The following ERBB4 variants were observed in gnomAD, a reference collection of about 807,000 sequenced individuals.
The protein encoded by ERBB4 is erb-b2 receptor tyrosine kinase 4, also known as receptor tyrosine-protein kinase erbB-4.
Under a neutral mutation model 158.0 loss-of-function variants are expected in ERBB4, and 42 were observed. That is an observed-to-expected ratio of 0.27 (90% CI 0.21 to 0.34). The LOEUF is 0.34. Ranked by LOEUF, ERBB4 falls within the 10% of genes least tolerant of loss-of-function variation. The pLI is 1.00. For synonymous variants in ERBB4, 583 were observed against 558.7 expected (o/e 1.04, Z -0.61); for missense variants, 1,333 against 1,624.1 (o/e 0.82, Z 3.08).
intron 1 of ERBB4, among the ~76,000 whole-genome samples, chr2:212,465,987 C>A (rs1688813450): frequency 6.6e-6 from 1 of 152,134 alleles, no homozygotes; most frequent in Non-Finnish European, 1.5e-5. Flanking sequence ...TAATAAAAAA[C>A]TTTAAGTGAG....
chr2:211,559,303 C>T lies in ERBB4; in HGVS notation c.2487+2600G>A, dbSNP rs575488538. 7.4e-4 allele frequency among the ~76,000 whole-genome samples: 112 copies of T among 152,322 alleles called. 1 individual carries two copies. Among genetic ancestry groups the T allele is most frequent in the Non-Finnish European group, 1.6e-4 (11 of 68,024 alleles). On this transcript the variant is annotated intron_variant, in intron 20 of 27. Coordinates refer to ENST00000342788, the MANE Select transcript of ERBB4 (RefSeq NM_005235.3). ...CCTCAATCTAACCTCCGTACATAGA[C>T]TGCATGATCTATTTAGAATATAAAT...
intron 3 of ERBB4, among the ~76,000 whole-genome samples, chr2:211,930,039 C>A (rs1323590974): frequency 6.6e-6 from 1 of 152,050 alleles, no homozygotes; most frequent in Non-Finnish European, 1.5e-5. Flanking sequence ...GACCTGTTGA[C>A]ATGTATGGAT....
At chr2:211,464,466 G>A (rs961593014) in intron 20 of ERBB4, among the ~76,000 whole-genome samples, 1 of 152,054 alleles carries the variant, frequency 6.6e-6, no homozygotes, top group Non-Finnish European at 1.5e-5. Flanking sequence ...CAAAATTGAA[G>A]GCTAAATATA....
chr2:212,121,968 T>C (rs1296361117), intron 2 of ERBB4, among the ~76,000 whole-genome samples: 1 of 151,892 alleles, frequency 6.6e-6, no homozygotes, highest in African/African-American at 2.4e-5. Context: ...ACTCCACCCC[T>C]ACCATTAACA....
chr2:211,622,993 AT>A (rs1559356904), intron 18 of ERBB4, among the ~76,000 whole-genome samples: 2 of 7,422 alleles, frequency 2.7e-4, no homozygotes, highest in Non-Finnish European at 4.4e-4. Flanking sequence ...AAAAAAAAAT[AT>A]ATATATATAT....
intron 14 of ERBB4, 76 bp downstream of exon 14, chr2:211,673,088 T>A (rs1226911846): frequency 1.7e-6 from 2 of 1,147,228 alleles, no homozygotes; most frequent in Non-Finnish European, 2.6e-6. Flanking sequence ...AATGGATGAA[T>A]AAATGATAAA....
chr2:212,430,590 A>G (rs1191265541), intron 1 of ERBB4, among the ~76,000 whole-genome samples: 2 of 151,738 alleles, frequency 1.3e-5, no homozygotes, highest in African/African-American at 4.8e-5. Context: ...ACAGGTGCCT[A>G]CCACCACACC....
intron 2 of ERBB4, among the ~76,000 whole-genome samples, chr2:211,961,076 T>A (rs1397486556): frequency 2.0e-5 from 3 of 152,110 alleles, no homozygotes; most frequent in African/African-American, 7.2e-5. Context: ...TATTTATTTT[T>A]AAAAATTGGA....
chr2:212,093,732 T>C (rs1521550), intron 2 of ERBB4, among the ~76,000 whole-genome samples: 80,555 of 152,062 alleles, frequency 0.53, 24,248 homozygotes, highest in East Asian at 0.93. Flanking sequence ...TTGTGACATA[T>C]ACTCAGCAGT....
chr2:212,107,530 CT>C (rs2079267836), intron 2 of ERBB4, among the ~76,000 whole-genome samples: 1 of 152,108 alleles, frequency 6.6e-6, no homozygotes, highest in African/African-American at 2.4e-5. Context: ...TCAGATGAGA[CT>C]TTGGACTGTG....
intron 1 of ERBB4, among the ~76,000 whole-genome samples, chr2:212,384,128 T>C (rs1462754865): frequency 1.3e-5 from 2 of 151,702 alleles, no homozygotes; most frequent in South Asian, 2.1e-4. Context: ...AAACTCTTAA[T>C]AAGCACAGAA....
Position 211,420,545 on chromosome 2 carries a change from C to T in ERBB4, c.3031G>A (p.Glu1011Lys), listed in dbSNP as rs2063492693. ...SKFFQNLLDE[E>K]DLEDMMDAEE... The stretch of plus-strand genomic sequence containing the variant: ...GCATCCATCATATCTTCCAAATCCT[C>T]TTCATCCAAGAGATTCTGAAAGAAC... Residue 1011 changes from glutamate to lysine, a missense_variant, in exon 25 of 28, where the codon GAG becomes AAG. By Grantham distance (56) the Glu-to-Lys change is moderately conservative. Transcript: ENST00000342788. The T allele has an allele frequency of 1.2e-6, 2 of 1,612,908 alleles. No individual in the cohort carries two copies. The highest frequency in any genetic ancestry group is 1.7e-6 in the Non-Finnish European group (2 of 1,179,142).
intron 17 of ERBB4, among the ~76,000 whole-genome samples, chr2:211,626,493 CTTTA>C (rs1179952829): frequency 1.3e-5 from 2 of 152,090 alleles, no homozygotes; most frequent in African/African-American, 2.4e-5. Context: ...AAAATTCCCC[CTTTA>C]TTTAGATGGT....
intron 2 of ERBB4, among the ~76,000 whole-genome samples, chr2:212,084,988 T>C (rs141580236): frequency 1.3e-5 from 2 of 152,114 alleles, no homozygotes; most frequent in African/African-American, 4.8e-5. Context: ...TTCTCATTTA[T>C]AAAATTGCTG....
intron 1 of ERBB4, among the ~76,000 whole-genome samples, chr2:212,186,615 C>G (rs927495420): frequency 6.6e-6 from 1 of 152,058 alleles, no homozygotes; most frequent in Non-Finnish European, 1.5e-5. Context: ...TGTTCCTGTT[C>G]CTAAACGTCT....
chr2:212,307,257 G>C (rs1327719948), intron 1 of ERBB4, among the ~76,000 whole-genome samples: 3 of 150,990 alleles, frequency 2.0e-5, no homozygotes, highest in African/African-American at 7.3e-5. Context: ...TCATAATAGA[G>C]GAAGAAGAGA....
intron 4 of ERBB4, among the ~76,000 whole-genome samples, chr2:211,783,073 G>A (rs1179109273): frequency 1.3e-5 from 2 of 152,122 alleles, no homozygotes; most frequent in Non-Finnish European, 2.9e-5. Context: ...TCTGCTTGAA[G>A]AGGTCCTTCA....
rs2105954345 is a variant in ERBB4 at position 211,678,081 on chromosome 2, A to G, written c.1622+971T>C. Among the ~76,000 whole-genome samples the G allele has an allele frequency of 2.0e-5, 3 of 152,158 alleles. No individual in the cohort carries two copies. In the East Asian group the frequency reaches 5.8e-4, roughly 29 times the overall value. ...TGCAACCAGGTACTTACTAGCTTCT[A>G]CTACTGGTAATGTTATTATTGAAAT... is the stretch of plus-strand genomic sequence containing the variant. On this transcript the variant is annotated intron_variant, in intron 13 of 27. Coordinates refer to ENST00000342788, the MANE Select transcript of ERBB4 (RefSeq NM_005235.3).
intron 1 of ERBB4, among the ~76,000 whole-genome samples, chr2:212,168,041 T>C (rs1308461014): frequency 1.4e-5 from 2 of 147,848 alleles, no homozygotes; most frequent in Non-Finnish European, 3.0e-5. Context: ...ACGTTCTGCA[T>C]ATGTATCCAG....
Sources: gnomAD v4.1 joint callset for allele counts (sites outside exome capture counted in the v4.1 genomes callset) on GRCh38, gnomAD v4.1.1 for gene constraint, MANE v1.5 for transcripts, NCBI Gene and HGNC (gene_info 2026-07-23, HGNC 2026-07-21) for gene names.